Variants in SLC22A16 observed in about 807,000 individuals in gnomAD.
SLC22A16 encodes the protein solute carrier family 22 member 16, also known as WUGSC:RG331P03.1.
SLC22A16 carries 53 observed loss-of-function variants against 52.9 expected under a neutral mutation model. The ratio of observed to expected loss-of-function variants is 1.00; its 90% CI spans 0.80 to 1.26. The LOEUF is 1.26. SLC22A16 is among the 50% of genes most tolerant of loss of function. The pLI, the probability that SLC22A16 is intolerant of heterozygous loss-of-function variation, is 0.00. For missense variants in SLC22A16, 726 were observed against 704.0 expected, an observed-to-expected ratio of 1.03 and a Z score of -0.35; for synonymous variants, 291 against 268.8, an observed-to-expected ratio of 1.08 and a Z score of -0.81.
At chr6:110,447,700 A>G (rs537104064) in intron 2 of SLC22A16, among the ~76,000 whole-genome samples, 4 of 152,144 alleles carry the variant, frequency 2.6e-5, no homozygotes, top group African/African-American at 9.6e-5. Flanking sequence ...CCACTCATCT[A>G]CCTTCTGTCT....
intron 1 of SLC22A16, chr6:110,476,226 C>A: frequency 2.5e-6 from 1 of 405,012 alleles, no homozygotes; most frequent in Non-Finnish European, 3.9e-6. Flanking sequence ...AGCCAGATGC[C>A]TCCAGCATCT....
intron 1 of SLC22A16, among the ~76,000 whole-genome samples, chr6:110,458,103 A>C (rs149872383): frequency 1.3e-3 from 205 of 152,254 alleles, no homozygotes; most frequent in Admixed American, 2.7e-3. Flanking sequence ...TAGTGAAAAT[A>C]TTAAAAGTCT....
chr6:110,458,801 C>G (rs1291519690), intron 1 of SLC22A16, among the ~76,000 whole-genome samples: 1 of 152,202 alleles, frequency 6.6e-6, no homozygotes, highest in African/African-American at 2.4e-5. Flanking sequence ...TCCATATTCT[C>G]TGGTTCTCAA....
chr6:110,453,752 A>G (rs1582562414), intron 2 of SLC22A16: 2 of 455,676 alleles, frequency 4.4e-6, no homozygotes, highest in East Asian at 1.4e-4. Context: ...ATGTTGCTAT[A>G]AAAGAACACC....
intron 1 of SLC22A16, among the ~76,000 whole-genome samples, chr6:110,460,137 G>A (rs757262065): frequency 1.3e-5 from 2 of 152,056 alleles, no homozygotes; most frequent in South Asian, 4.1e-4. Context: ...GATCTCCATC[G>A]CCCTTCTTCC....
At chr6:110,457,680 G>C (rs1234178560) in intron 1 of SLC22A16, among the ~76,000 whole-genome samples, 1 of 152,174 alleles carries the variant, frequency 6.6e-6, no homozygotes, top group African/African-American at 2.4e-5. Flanking sequence ...AGGCCATACA[G>C]AGACAGGAGC....
rs9481075 is a variant in SLC22A16 at position 110,458,224 on chromosome 6, G to A, written c.54-1207C>T. Among the ~76,000 whole-genome samples the A allele has an allele frequency of 8.2e-3, 1,243 of 152,222 alleles. 17 individuals carry two copies. The highest frequency in any genetic ancestry group is 0.028 in the African/African-American group (1,179 of 41,530). ...TGTCCACTGGACACGTGACCCACGT[G>A]ACCTTACCTATCATTGGAGATGGCT... On this transcript the variant is annotated intron_variant, in intron 1 of 7. Coordinates refer to ENST00000368919, the MANE Select transcript of SLC22A16 (RefSeq NM_033125.4).
rs1365264124 is a variant in SLC22A16 at position 110,466,935 on chromosome 6, AG to A, written c.53+9586del. Among the ~76,000 whole-genome samples, 16 of 151,792 alleles carry A rather than the reference AG, an allele frequency of 1.1e-4. 1 individual carries two copies. Among genetic ancestry groups the A allele is most frequent in the Admixed American group, 9.2e-4 (14 of 15,238 alleles). ...GTGATAGATAGATAGATAGATAGAT[AG>A]ATAGATAGATAGATAGATAGATAGA... On this transcript the variant is annotated intron_variant, in intron 1 of 7. Coordinates refer to ENST00000368919, the MANE Select transcript of SLC22A16 (RefSeq NM_033125.4).
intron 3 of SLC22A16, among the ~76,000 whole-genome samples, chr6:110,443,564 T>C (rs1288552874): frequency 6.6e-6 from 1 of 151,688 alleles, no homozygotes; most frequent in Non-Finnish European, 1.5e-5. Flanking sequence ...GTAGAGAAAC[T>C]GGAACCCATG....
intron 1 of SLC22A16, among the ~76,000 whole-genome samples, chr6:110,465,527 A>G (rs1434537150): frequency 6.6e-6 from 1 of 152,130 alleles, no homozygotes; most frequent in African/African-American, 2.4e-5. Context: ...CAAAAAGTCA[A>G]TCCCATTTAT....
chr6:110,440,125 C>G (rs971455129), intron 4 of SLC22A16: 2 of 152,138 alleles, frequency 1.3e-5, no homozygotes, highest in African/African-American at 4.8e-5. Flanking sequence ...GCCGGTTCAC[C>G]CCTCCTTAGG....
intron 1 of SLC22A16, among the ~76,000 whole-genome samples, chr6:110,473,491 C>CTTTTTTTTTTTTTTTT: frequency 1.4e-5 from 1 of 71,948 alleles, no homozygotes; most frequent in Admixed American, 2.1e-4. Context: ...CCTGTTTTCC[C>CTTTTTTTTTTTTTTTT]TTTTTTTTTT....
chr6:110,426,875 A>G (rs948273146), intron 7 of SLC22A16, among the ~76,000 whole-genome samples: 1 of 151,922 alleles, frequency 6.6e-6, no homozygotes, highest in African/African-American at 2.4e-5. Context: ...GCTTGAACCC[A>G]GTAGGCAGAG....
Position 110,476,566 on chromosome 6 carries a change from G to A in SLC22A16, c.9C>T (p.Ser3=). The A allele has an allele frequency of 6.5e-7, 1 of 1,542,096 alleles. No homozygotes were observed. The highest frequency in any genetic ancestry group is 1.4e-5 in the African/African-American group (1 of 70,382). ...GGTCATAAATCCCCTCGAAGTGGCG[G>A]GACCCCATGGTGCGGCCGTGCACTG... MG[S]RHFEGIYDHV... is the part of the protein sequence containing the mutation. Residue 3 remains serine (S), a synonymous_variant, in exon 1 of 8, where the codon TCC becomes TCT. Transcript: ENST00000368919.
intron 3 of SLC22A16, among the ~76,000 whole-genome samples, chr6:110,444,715 T>G (rs1359031656): frequency 6.6e-6 from 1 of 152,158 alleles, no homozygotes; most frequent in Non-Finnish European, 1.5e-5. Context: ...AGGACTACTG[T>G]ATTCATAATC....
In SLC22A16 at chr6:110,463,668, G is replaced by A. The variant is rs181536832; in HGVS notation, c.54-6651C>T. Among the ~76,000 whole-genome samples the A allele has an allele frequency of 5.3e-3, 800 of 151,930 alleles. 1 individual carries two copies. The highest frequency in any genetic ancestry group is 0.021 in the Middle Eastern group (6 of 292). ...AAATACTATTAGACTTACAAAAAGA[G>A]ATAGACAGTCATATAAAAGAGTGAG... On this transcript the variant is annotated intron_variant, in intron 1 of 7. Coordinates refer to ENST00000368919, the MANE Select transcript of SLC22A16 (RefSeq NM_033125.4).
chr6:110,438,648 T>A, intron 5 of SLC22A16, 72 bp downstream of exon 5: 1 of 1,506,382 alleles, frequency 6.6e-7, no homozygotes, highest in Non-Finnish European at 8.9e-7. Flanking sequence ...CATACTTAAC[T>A]GTAATAAGCT....
rs146340306 is a variant in SLC22A16 at position 110,435,911 on chromosome 6, G to T, written c.1362C>A (p.Ile454=). 1.7e-4 allele frequency: 280 copies of T among 1,613,962 alleles called. 1 individual carries two copies. Among genetic ancestry groups the T allele is most frequent in the Middle Eastern group, 1.7e-3 (10 of 6,060 alleles). The change falls in exon 6 of 8, where the codon ATC becomes ATA. Residue 454 remains isoleucine, a synonymous_variant. Coordinates refer to ENST00000368919, the MANE Select transcript of SLC22A16 (RefSeq NM_033125.4). ...GATAAATGAGGCCAAATGCTGCCCC[G>T]ATGGCAAATTTTCCAACCATAGCTG... is the stretch of plus-strand genomic sequence containing the variant. ...VVTAMVGKFA[I]GAAFGLIYLY... is the part of the protein sequence containing the mutation.
Position 110,456,623 on chromosome 6 carries a change from G to C in SLC22A16, c.448C>G (p.Arg150Gly). 1 of 1,614,076 alleles carries C rather than the reference G, an allele frequency of 6.2e-7. No homozygotes were observed. Among genetic ancestry groups the C allele is most frequent in the African/African-American group, 1.3e-5 (1 of 75,010 alleles). The change falls in exon 2 of 8, where the codon CGA becomes GGA. Residue 150 changes from arginine (R) to glycine (G), a missense_variant. Coordinates refer to ENST00000368919, the MANE Select transcript of SLC22A16 (RefSeq NM_033125.4). ...AVTQWNLVCD[R>G]KWLAMLIQPL... ...TGGATCAGCATTGCAAGCCATTTTC[G>C]GTCACAGACCAGGTTCCACTGGGTC... is the stretch of plus-strand genomic sequence containing the variant.
Sources: gnomAD v4.1 joint callset for allele counts (sites outside exome capture counted in the v4.1 genomes callset) on GRCh38, gnomAD v4.1.1 for gene constraint, MANE v1.5 for transcripts, NCBI Gene and HGNC (gene_info 2026-07-23, HGNC 2026-07-21) for gene names.